CUEDC1: variants seen among roughly 807,000 people sequenced by gnomAD.
The protein encoded by CUEDC1 is CUE domain containing 1.
In CUEDC1, 30 loss-of-function variants were observed where a neutral mutation model predicts 43.7. The observed-to-expected ratio is 0.69, with a 90% CI of 0.51 to 0.93. CUEDC1 has a LOEUF of 0.93. Ranked by LOEUF, CUEDC1 falls within the 40% of genes least tolerant of loss-of-function variation. CUEDC1 has a pLI of 0.00. For missense variants in CUEDC1, 486 were observed against 549.0 expected, an observed-to-expected ratio of 0.89 and a Z score of 1.15; for synonymous variants, 223 against 223.6, an observed-to-expected ratio of 1.00 and a Z score of 0.02.
At chr17:57,916,190 C>T (rs1255036567) in intron 1 of CUEDC1, among the ~76,000 whole-genome samples, 1 of 152,254 alleles carries the variant, frequency 6.6e-6, no homozygotes, top group African/African-American at 2.4e-5. Context: ...CCCAGGTGGC[C>T]AGCAGCTGCC....
At chr17:57,881,211 C>T (rs1309985402) in intron 2 of CUEDC1, among the ~76,000 whole-genome samples, 2 of 152,352 alleles carry the variant, frequency 1.3e-5, no homozygotes, top group Middle Eastern at 3.4e-3. Context: ...CACATGCACA[C>T]GTGCACTCTG....
At chr17:57,946,674 G>A (rs1398200084) in intron 1 of CUEDC1, among the ~76,000 whole-genome samples, 2 of 152,104 alleles carry the variant, frequency 1.3e-5, no homozygotes, top group Admixed American at 6.6e-5. Context: ...TTTCCTTTCA[G>A]GTGTACACCT....
chr17:57,880,013 G>A (rs1364114553), intron 2 of CUEDC1, among the ~76,000 whole-genome samples: 1 of 152,172 alleles, frequency 6.6e-6, no homozygotes, highest in Non-Finnish European at 1.5e-5. Flanking sequence ...CCCTCCATGT[G>A]CAGTTCAAAT....
chr17:57,952,789 C>T (rs2075020049), intron 1 of CUEDC1, among the ~76,000 whole-genome samples: 2 of 152,210 alleles, frequency 1.3e-5, no homozygotes, highest in African/African-American at 4.8e-5. Context: ...AAATCCCCTA[C>T]AGCTCTCTGT....
intron 1 of CUEDC1, among the ~76,000 whole-genome samples, chr17:57,929,096 T>C (rs939963627): frequency 6.6e-6 from 1 of 152,158 alleles, no homozygotes; most frequent in African/African-American, 2.4e-5. Context: ...ACTGAGGCCA[T>C]TGTCCTCATT....
chr17:57,921,124 T>C (rs935773006), intron 1 of CUEDC1, among the ~76,000 whole-genome samples: 5 of 152,218 alleles, frequency 3.3e-5, no homozygotes, highest in East Asian at 1.9e-4. Flanking sequence ...TAGGGAGATA[T>C]TGGTGGAACA....
intron 2 of CUEDC1, among the ~76,000 whole-genome samples, chr17:57,883,659 G>A (rs1323742831): frequency 6.6e-6 from 1 of 152,166 alleles, no homozygotes; most frequent in East Asian, 1.9e-4. Context: ...GGAGGTGGAG[G>A]TTGCAGTGAA....
At chr17:57,880,093 G>C (rs146610194) in intron 2 of CUEDC1, among the ~76,000 whole-genome samples, 1 of 152,268 alleles carries the variant, frequency 6.6e-6, no homozygotes, top group East Asian at 1.9e-4. Context: ...GTAAGGGTGG[G>C]AACAGATACC....
chr17:57,885,708 A>G lies in CUEDC1; in HGVS notation c.-144T>C. 1.6e-6 allele frequency: 2 copies of G among 1,268,168 alleles called. No individual in the cohort carries two copies. The highest frequency in any genetic ancestry group is 2.0e-6 in the Non-Finnish European group (2 of 999,620). 78.6% of individuals were successfully genotyped at this position (1,268,168 alleles called of 1,614,324 possible). On this transcript the variant is annotated 5_prime_UTR_variant, in exon 2 of 11. Coordinates refer to ENST00000577830, the MANE Select transcript of CUEDC1 (RefSeq NM_001271875.2). ...CTCCTCCCCGGGTAGCCAGGCAGCA[A>G]TGGGCTGCCAAGAGCTCCGGGTTAG...
At chr17:57,871,857 G>C (rs983333332) in intron 5 of CUEDC1, among the ~76,000 whole-genome samples, 1 of 152,248 alleles carries the variant, frequency 6.6e-6, no homozygotes, top group Non-Finnish European at 1.5e-5. Flanking sequence ...CTGGGAGGCG[G>C]AGGTTGCAGT....
At chr17:57,899,039 G>T (rs2144999698) in intron 1 of CUEDC1, among the ~76,000 whole-genome samples, 1 of 152,270 alleles carries the variant, frequency 6.6e-6, no homozygotes, top group East Asian at 1.9e-4. Context: ...TTCTCTGGCA[G>T]CTGAGGAATG....
rs887559572 is a variant in CUEDC1 at position 57,954,122 on chromosome 17, G to A, written c.-316+1103C>T. 3.3e-5 allele frequency among the ~76,000 whole-genome samples: 5 copies of A among 152,192 alleles called. No individual in the cohort carries two copies. The highest frequency in any genetic ancestry group is 7.3e-5 in the Non-Finnish European group (5 of 68,042). On this transcript the variant is annotated intron_variant, in intron 1 of 10. Transcript: ENST00000577830. The surrounding 1 kb of genome is among the most constrained non-coding windows in gnomAD (Gnocchi z 4.3). ...CAGGCACAGCTGGCTATAAAGAAAA[G>A]GGGTGAAAGGCCCAGTACATCTCCC...
intron 1 of CUEDC1, among the ~76,000 whole-genome samples, chr17:57,952,174 A>G (rs1205050711): frequency 6.6e-6 from 1 of 152,126 alleles, no homozygotes; most frequent in Non-Finnish European, 1.5e-5. Flanking sequence ...ACAGCGCTTT[A>G]GGGTCTCCAA....
chr17:57,907,108 G>A (rs1355660550), intron 1 of CUEDC1, among the ~76,000 whole-genome samples: 3 of 152,124 alleles, frequency 2.0e-5, no homozygotes, highest in Non-Finnish European at 4.4e-5. Context: ...GTCCCCATCT[G>A]CATGGAGTGG....
At chr17:57,941,397 C>T (rs565323680) in intron 1 of CUEDC1, among the ~76,000 whole-genome samples, 2 of 152,316 alleles carry the variant, frequency 1.3e-5, no homozygotes, top group East Asian at 3.9e-4. Flanking sequence ...TTGCCATATA[C>T]AGTTATGCAG....
intron 2 of CUEDC1, among the ~76,000 whole-genome samples, chr17:57,881,170 GCACACATACACACACACGCGCACATGCA>G: frequency 6.6e-6 from 1 of 152,086 alleles, no homozygotes; most frequent in Admixed American, 6.5e-5. Context: ...GTGCATGTGA[GCACACATACACACACACGCGCACATGCA>G]CACACATGCA....
intron 9 of CUEDC1, 66 bp downstream of exon 9, chr17:57,867,291 A>G: frequency 6.8e-7 from 1 of 1,479,552 alleles, no homozygotes; most frequent in Non-Finnish European, 9.2e-7. Flanking sequence ...TGAAACACCC[A>G]GGAACTCCGC....
At chr17:57,870,512 CT>C (rs2074019092) in intron 6 of CUEDC1, among the ~76,000 whole-genome samples, 1 of 152,198 alleles carries the variant, frequency 6.6e-6, no homozygotes, top group Non-Finnish European at 1.5e-5. Context: ...TCCTGCCCTC[CT>C]TTTTTCCCAT....
intron 9 of CUEDC1, 135 bp downstream of exon 9, chr17:57,867,222 G>T: frequency 1.3e-6 from 1 of 796,352 alleles, no homozygotes; most frequent in Admixed American, 2.1e-5. Flanking sequence ...CCATATCTTT[G>T]GGTCACCTGC....
Sources: allele counts gnomAD v4.1 joint callset (sites outside exome capture counted in the v4.1 genomes callset), GRCh38; gene constraint gnomAD v4.1.1; non-coding constraint Gnocchi (gnomAD v3.1); transcripts MANE v1.5; gene names NCBI Gene and HGNC (gene_info 2026-07-23, HGNC 2026-07-21).